The following SNX13 variants were observed in gnomAD, a reference collection of about 807,000 sequenced individuals.
SNX13 encodes sorting nexin 13.
SNX13 carries 45 observed loss-of-function variants against 133.6 expected under a neutral mutation model. The ratio of observed to expected loss-of-function variants is 0.34; its 90% confidence interval spans 0.27 to 0.43. The LOEUF is 0.43. SNX13 is among the 20% of genes least tolerant of loss of function. The probability of loss-of-function intolerance (pLI) is 1.00; values close to 1 mark genes in which losing one functional copy is unlikely to be tolerated. For missense variants in SNX13, 1,032 were observed against 1,145.1 expected, an observed-to-expected ratio of 0.90 and a Z score of 1.43; for synonymous variants, 414 against 373.9, an observed-to-expected ratio of 1.11 and a Z score of -1.24.
In SNX13 at chr7:17,830,051, C is replaced by T; in HGVS notation, c.1598-4G>A. The T allele has an allele frequency of 1.3e-6, 2 of 1,525,192 alleles. No homozygotes were observed. The highest frequency in any genetic ancestry group is 2.5e-5 in the South Asian group (2 of 80,240). The allele number at this position is 1,525,192 out of a possible 1,614,324, so 94.5% of individuals were successfully genotyped here. A position where few individuals can be genotyped will look rare whatever the true frequency, so the allele number is the denominator to read the frequency against. On this transcript the variant is annotated splice_region_variant and splice_polypyrimidine_tract_variant and intron_variant, in intron 15 of 25. Coordinates refer to ENST00000428135, the MANE Select transcript of SNX13 (RefSeq NM_015132.5). ...GTAGGAGACCCATTAAAAGATTCTG[C>T]AGGGGGGAAATTCAACTTAGTATAC...
At chr7:17,819,295 G>A (rs531357072) in intron 18 of SNX13, among the ~76,000 whole-genome samples, 52 of 152,164 alleles carry the variant, frequency 3.4e-4, no homozygotes, top group Non-Finnish European at 5.4e-4. Flanking sequence ...CACCCAGGCT[G>A]GAGTGCTGAG....
intron 1 of SNX13, among the ~76,000 whole-genome samples, chr7:17,915,527 T>A (rs1450994554): frequency 6.6e-6 from 1 of 152,162 alleles, no homozygotes; most frequent in Non-Finnish European, 1.5e-5. Context: ...CCACACTTTT[T>A]AAGATCAGGG....
At chr7:17,820,984 G>A (rs1319047513) in intron 18 of SNX13, among the ~76,000 whole-genome samples, 1 of 151,750 alleles carries the variant, frequency 6.6e-6, no homozygotes, top group Non-Finnish European at 1.5e-5. Context: ...AAACAAGAGG[G>A]TTGTATTTAA....
Position 17,821,608 on chromosome 7 carries a change from G to A in SNX13, c.1746C>T (p.Ala582=). ...NDHGKTYALY[A]ITVHRRNLNS... Reference sequence around the variant, plus strand: ...TTAGGTTGCGCCGGTGTACAGTGATGGCATATAATGCATATGTCTTGCCAT... The same window carrying A: ...TTAGGTTGCGCCGGTGTACAGTGATAGCATATAATGCATATGTCTTGCCAT... The change falls in exon 18 of 26, where the codon GCC becomes GCT. Residue 582 remains alanine (A), a synonymous_variant. Coordinates refer to ENST00000428135, the MANE Select transcript of SNX13 (RefSeq NM_015132.5). 6.2e-7 allele frequency: 1 copy of A among 1,613,548 alleles called. No homozygotes were observed. The highest frequency in any genetic ancestry group is 8.5e-7 in the Non-Finnish European group (1 of 1,179,646).
chr7:17,885,199 A>C (rs754076661), intron 5 of SNX13, among the ~76,000 whole-genome samples: 6 of 152,068 alleles, frequency 3.9e-5, no homozygotes, highest in Non-Finnish European at 8.8e-5. Flanking sequence ...ACATGAATGA[A>C]CCTTGAAAAC....
At position 17,826,047 on chromosome 7, in the gene SNX13, T is replaced by A. The variant is rs1787873004; in HGVS notation, c.1680A>T (p.Gln560His). 2 of 1,560,018 alleles carry A rather than the reference T, an allele frequency of 1.3e-6. No individual in the cohort carries two copies. Among genetic ancestry groups the A allele is most frequent in the Non-Finnish European group, 1.7e-6 (2 of 1,150,618 alleles). The change falls in exon 17 of 26, where the codon CAA becomes CAT. Residue 560 changes from glutamine (Q) to histidine (H), a missense_variant. Coordinates refer to ENST00000428135, the MANE Select transcript of SNX13 (RefSeq NM_015132.5). Reference sequence around the variant, plus strand: ...CTGTGTCTGAAATGTAGGCATGAAGTTGTACTGAGTCATCAGAAGAAACAT... The same window carrying A: ...CTGTGTCTGAAATGTAGGCATGAAGATGTACTGAGTCATCAGAAGAAACAT... ...LSNVSSDDSV[Q>H]LHAYISDTGV...
chr7:17,834,460 G>T (rs1202759810), intron 14 of SNX13, among the ~76,000 whole-genome samples: 1 of 151,788 alleles, frequency 6.6e-6, no homozygotes, highest in Non-Finnish European at 1.5e-5. Context: ...CAAGGCTCAT[G>T]TTAAAATGAA....
chr7:17,820,185 A>G (rs1362682527), intron 18 of SNX13, among the ~76,000 whole-genome samples: 1 of 152,180 alleles, frequency 6.6e-6, no homozygotes, highest in Non-Finnish European at 1.5e-5. Context: ...AATTACAACT[A>G]TTTACACAAT....
intron 20 of SNX13, among the ~76,000 whole-genome samples, chr7:17,807,476 T>C (rs557448892): frequency 7.3e-4 from 111 of 152,328 alleles, no homozygotes; most frequent in African/African-American, 2.5e-3. Context: ...CAGGGGCTTA[T>C]AGATAAAACT....
At chr7:17,816,376 T>C in intron 18 of SNX13, 87 bp from the exon 19 acceptor site, 1 of 1,440,300 alleles carries the variant, frequency 6.9e-7, no homozygotes, top group Non-Finnish European at 9.2e-7. Context: ...TAAAAACATC[T>C]TCAGGCCAGG....
At chr7:17,831,702 A>T in intron 15 of SNX13, 2 of 984,150 alleles carry the variant, frequency 2.0e-6, no homozygotes, top group Non-Finnish European at 2.4e-6. Flanking sequence ...AATGTCTAAA[A>T]GGTGGTCAAA....
chr7:17,927,326 TC>T (rs1800876797), intron 1 of SNX13, among the ~76,000 whole-genome samples: 1 of 151,858 alleles, frequency 6.6e-6, no homozygotes, highest in Non-Finnish European at 1.5e-5. Context: ...CACTGCAGCC[TC>T]CAACACCTGG....
chr7:17,816,035 A>T (rs960399033), intron 19 of SNX13, 147 bp downstream of exon 19: 10 of 774,980 alleles, frequency 1.3e-5, no homozygotes, highest in African/African-American at 1.2e-4. Flanking sequence ...AGCAGACTGC[A>T]CGTCACATTT....
At position 17,834,881 on chromosome 7, in the gene SNX13, A is replaced by G. The variant is rs190125381; in HGVS notation, c.1360-16T>C. 2,416 of 1,409,090 alleles carry G rather than the reference A, an allele frequency of 1.7e-3. 60 individuals are homozygous for G. The Admixed American group carries it at 0.035, about 20-fold the overall frequency. The allele number at this position is 1,409,090 out of a possible 1,614,324, so 87.3% of individuals were successfully genotyped here. The stretch of plus-strand genomic sequence containing the variant: ...TTGGAGATGCCTAACAGAGAAAAAT[A>G]ATAGTAATGATCTCTGTAATTTCTT... On this transcript the variant is annotated splice_polypyrimidine_tract_variant and intron_variant, in intron 13 of 25. Coordinates refer to ENST00000428135, the MANE Select transcript of SNX13 (RefSeq NM_015132.5).
At chr7:17,830,427 C>T in intron 15 of SNX13, 1 of 984,278 alleles carries the variant, frequency 1.0e-6, no homozygotes. Context: ...TATTTTGTAA[C>T]TTCTGTCTCA....
intron 1 of SNX13, chr7:17,900,016 A>T (rs182985976): frequency 6.6e-6 from 1 of 152,342 alleles, no homozygotes; most frequent in East Asian, 1.9e-4. Context: ...CTGTAGCCAT[A>T]TATACATTAG....
chr7:17,939,921 G>A (rs906772492), intron 1 of SNX13, among the ~76,000 whole-genome samples: 1 of 151,916 alleles, frequency 6.6e-6, no homozygotes, highest in East Asian at 1.9e-4. Flanking sequence ...GCAAACCATA[G>A]GATCACAAGA....
intron 5 of SNX13, among the ~76,000 whole-genome samples, chr7:17,883,728 G>A (rs1235877190): frequency 6.6e-6 from 1 of 151,326 alleles, no homozygotes; most frequent in East Asian, 1.9e-4. Context: ...CACCCCCCAA[G>A]AGGCCCCGGT....
chr7:17,884,550 G>A (rs138472257), intron 5 of SNX13, among the ~76,000 whole-genome samples: 3 of 152,172 alleles, frequency 2.0e-5, no homozygotes, highest in Non-Finnish European at 2.9e-5. Flanking sequence ...GTTTGTACAC[G>A]ATGGAACAGT....
Sources: allele counts gnomAD v4.1 joint callset (sites outside exome capture counted in the v4.1 genomes callset), GRCh38; gene constraint gnomAD v4.1.1; transcripts MANE v1.5; gene names NCBI Gene and HGNC (gene_info 2026-07-23, HGNC 2026-07-21).